The following PDGFRL variants were observed in gnomAD, a reference collection of about 807,000 sequenced individuals.
PDGFRL encodes the protein platelet-derived growth factor receptor-like protein.
In PDGFRL, 46 loss-of-function variants were observed where a neutral mutation model predicts 37.2. That is an observed-to-expected ratio of 1.24 (90% CI 0.98 to 1.58). The LOEUF (loss-of-function observed/expected upper bound fraction) is 1.58. Among genes scored for constraint, PDGFRL ranks in the 40% most tolerant of loss-of-function variants. PDGFRL has a pLI of 0.00. For missense variants in PDGFRL, 692 were observed against 467.6 expected (o/e 1.48, Z -4.43); for synonymous variants, 251 against 184.3 (o/e 1.36, Z -2.93).
At chr8:17,619,352 A>C (rs577976857) in intron 2 of PDGFRL, among the ~76,000 whole-genome samples, 4 of 152,346 alleles carry the variant, frequency 2.6e-5, no homozygotes, top group Admixed American at 6.5e-5. Flanking sequence ...AAATTGGCTA[A>C]TGCTAGTGTT....
chr8:17,612,225 G>T (rs955556631), intron 2 of PDGFRL, among the ~76,000 whole-genome samples: 3 of 152,126 alleles, frequency 2.0e-5, no homozygotes, highest in Admixed American at 6.5e-5. Context: ...TAACCTCCAG[G>T]TATTTAAATA....
At chr8:17,594,686 C>G (rs1327482689) in intron 2 of PDGFRL, among the ~76,000 whole-genome samples, 1 of 152,214 alleles carries the variant, frequency 6.6e-6, no homozygotes, top group Non-Finnish European at 1.5e-5. Flanking sequence ...TCTGGAGTAG[C>G]TGGGATTACA....
chr8:17,621,917 C>T (rs1804644095), intron 3 of PDGFRL, among the ~76,000 whole-genome samples: 1 of 152,192 alleles, frequency 6.6e-6, no homozygotes. Context: ...AAGCTATCCT[C>T]CTGCTTCGGT....
chr8:17,603,531 T>C (rs1804209388), intron 2 of PDGFRL, among the ~76,000 whole-genome samples: 1 of 152,220 alleles, frequency 6.6e-6, no homozygotes, highest in Non-Finnish European at 1.5e-5. Flanking sequence ...ATCTCCTGTC[T>C]TTGAGATCGG....
intron 2 of PDGFRL, among the ~76,000 whole-genome samples, chr8:17,602,885 C>T (rs1585311420): frequency 2.0e-5 from 3 of 152,216 alleles, no homozygotes; most frequent in Admixed American, 2.0e-4. Context: ...CCACTTATAC[C>T]TATGGTCCTT....
In PDGFRL at chr8:17,589,389, A is replaced by G. The variant is rs1803883196; in HGVS notation, c.56-79A>G. On this transcript the variant is annotated intron_variant, in intron 1 of 5. Coordinates refer to ENST00000251630, the MANE Select transcript of PDGFRL (RefSeq NM_001372073.1). ...CAATAGAGTAAGAATCTGTCTCAAAAAAAAAAAAAAGTTATTGGCCTCAAA... is the reference window on the plus strand; with the variant it reads ...CAATAGAGTAAGAATCTGTCTCAAAGAAAAAAAAAAGTTATTGGCCTCAAA... 7 of 1,133,258 alleles carry G rather than the reference A, an allele frequency of 6.2e-6. No individual in the cohort carries two copies. In the Admixed American group the frequency reaches 1.1e-4, roughly 18 times the overall value. The allele number at this position is 1,133,258 out of a possible 1,614,324, so 70.2% of individuals were successfully genotyped here.
intron 1 of PDGFRL, among the ~76,000 whole-genome samples, chr8:17,582,655 T>C (rs1404532508): frequency 6.6e-6 from 1 of 151,460 alleles, no homozygotes; most frequent in Non-Finnish European, 1.5e-5. Context: ...GTAGAATTTA[T>C]TATGAAAAGG....
chr8:17,592,518 C>T (rs1438345313), intron 2 of PDGFRL, among the ~76,000 whole-genome samples: 2 of 152,320 alleles, frequency 1.3e-5, no homozygotes, highest in South Asian at 2.1e-4. Flanking sequence ...GAAGCCCTCG[C>T]TGACCTCTGC....
intron 2 of PDGFRL, among the ~76,000 whole-genome samples, chr8:17,608,493 C>T (rs1304001807): frequency 6.6e-6 from 1 of 152,188 alleles, no homozygotes; most frequent in Non-Finnish European, 1.5e-5. Context: ...AGCTGGTAGG[C>T]ATCCTGGGGA....
chr8:17,623,168 C>G (rs147763356), intron 3 of PDGFRL, among the ~76,000 whole-genome samples: 117 of 152,290 alleles, frequency 7.7e-4, no homozygotes, highest in Non-Finnish European at 1.4e-3. Flanking sequence ...TGTAGTGGCA[C>G]AATAAGGAGC....
At chr8:17,602,035 C>A (rs1304408491) in intron 2 of PDGFRL, among the ~76,000 whole-genome samples, 4 of 152,088 alleles carry the variant, frequency 2.6e-5, no homozygotes, top group Non-Finnish European at 5.9e-5. Flanking sequence ...CAAGAAATAT[C>A]CAAACTGCTT....
chr8:17,623,993 G>A lies in PDGFRL; in HGVS notation c.505+2791G>A, dbSNP rs185956935. On this transcript the variant is annotated intron_variant, in intron 3 of 5. Coordinates refer to ENST00000251630, the MANE Select transcript of PDGFRL (RefSeq NM_001372073.1). Reference sequence around the variant, plus strand: ...AAAATATATTCATTCCAACTATCAAGAAACTTTGATCAAAAAAAATAAATG... The same window carrying A: ...AAAATATATTCATTCCAACTATCAAAAAACTTTGATCAAAAAAAATAAATG... Among the ~76,000 whole-genome samples the A allele has an allele frequency of 2.7e-3, 406 of 151,514 alleles. 1 individual carries two copies. Among genetic ancestry groups the A allele is most frequent in the African/African-American group, 9.4e-3 (387 of 41,268 alleles).
At chr8:17,634,775 A>G (rs1804935967) in intron 5 of PDGFRL, among the ~76,000 whole-genome samples, 1 of 152,064 alleles carries the variant, frequency 6.6e-6, no homozygotes, top group Non-Finnish European at 1.5e-5. Flanking sequence ...TGATTAGACT[A>G]CATGGACATA....
intron 5 of PDGFRL, among the ~76,000 whole-genome samples, chr8:17,638,122 G>A (rs1178476256): frequency 6.6e-6 from 1 of 152,068 alleles, no homozygotes. Context: ...TCCAGTCCTT[G>A]AGGTGTGACC....
intron 1 of PDGFRL, among the ~76,000 whole-genome samples, chr8:17,579,602 A>T (rs762351738): frequency 6.6e-6 from 1 of 150,564 alleles, no homozygotes; most frequent in East Asian, 2.0e-4. Context: ...GAGTCTTGCT[A>T]TGTCACCCAG....
intron 2 of PDGFRL, among the ~76,000 whole-genome samples, chr8:17,590,236 C>A (rs1211730464): frequency 1.5e-3 from 52 of 35,606 alleles, no homozygotes; most frequent in African/African-American, 1.9e-3. Context: ...GACTCCATCT[C>A]AAAAAAAAAA....
chr8:17,601,554 T>A (rs999931527), intron 2 of PDGFRL, among the ~76,000 whole-genome samples: 3 of 151,702 alleles, frequency 2.0e-5, no homozygotes, highest in Admixed American at 2.0e-4. Flanking sequence ...TGGTGTAGAT[T>A]ATTTCATTAT....
intron 5 of PDGFRL, among the ~76,000 whole-genome samples, chr8:17,634,674 C>T (rs1304094963): frequency 6.6e-6 from 1 of 152,136 alleles, no homozygotes; most frequent in African/African-American, 2.4e-5. Flanking sequence ...TGCAGGAACA[C>T]AAATGGAGCT....
At position 17,634,168 on chromosome 8, in the gene PDGFRL, G is replaced by A; in HGVS notation, c.894G>A (p.Glu298=). 6.2e-7 allele frequency: 1 copy of A among 1,613,418 alleles called. No individual in the cohort carries two copies. Among genetic ancestry groups the A allele is most frequent in the Non-Finnish European group, 8.5e-7 (1 of 1,179,430 alleles). Residue 298 remains glutamate (E), a synonymous_variant, in exon 5 of 6, where the codon GAG becomes GAA. Coordinates refer to ENST00000251630, the MANE Select transcript of PDGFRL (RefSeq NM_001372073.1). ...DISVLCTVLG[E]PDVEVEFTWI... is the part of the protein sequence containing the mutation. The stretch of plus-strand genomic sequence containing the variant: ...GTGTGCTCTGCACTGTCCTGGGGGA[G>A]CCCGATGTGGAGGTGGAGTTCACCT...
Sources: allele counts gnomAD v4.1 joint callset (sites outside exome capture counted in the v4.1 genomes callset), GRCh38; gene constraint gnomAD v4.1.1; transcripts MANE v1.5; gene names NCBI Gene and HGNC (gene_info 2026-07-23, HGNC 2026-07-21).